The following ARHGAP12 variants were observed in gnomAD, a reference collection of about 807,000 sequenced individuals.
ARHGAP12 encodes rho GTPase-activating protein 12.
ARHGAP12 carries 64 observed loss-of-function variants against 108.6 expected under a neutral mutation model. The observed-to-expected ratio is 0.59, with a 90% CI of 0.48 to 0.73. ARHGAP12 has a LOEUF of 0.73. Ranked by LOEUF, ARHGAP12 falls within the 30% of genes least tolerant of loss-of-function variation. ARHGAP12 has a pLI of 0.00. For synonymous variants in ARHGAP12, 312 were observed against 337.2 expected, an observed-to-expected ratio of 0.93 and a Z score of 0.82; for missense variants, 940 against 1,005.9, an observed-to-expected ratio of 0.93 and a Z score of 0.89.
At chr10:31,850,519 T>C (rs1463083390) in intron 6 of ARHGAP12, among the ~76,000 whole-genome samples, 1 of 152,202 alleles carries the variant, frequency 6.6e-6, no homozygotes, top group African/African-American at 2.4e-5. Context: ...CTAAATTTTT[T>C]TTATAAACGG....
chr10:31,844,289 C>T (rs956827721), intron 6 of ARHGAP12, among the ~76,000 whole-genome samples: 4 of 152,170 alleles, frequency 2.6e-5, no homozygotes, highest in East Asian at 1.9e-4. Flanking sequence ...CTTTCCTACT[C>T]TGCAGACAAA....
Position 31,851,211 on chromosome 10 carries a change from C to T in ARHGAP12, c.1170+1306G>A, listed in dbSNP as rs190861294. On this transcript the variant is annotated intron_variant, in intron 6 of 19. Coordinates refer to ENST00000344936, the MANE Select transcript of ARHGAP12 (RefSeq NM_018287.7). ...ATAAATGTAAATTTTAATATGACTC[C>T]GTAATTAATTTAAACAATAAAGTGG... Among the ~76,000 whole-genome samples, 530 of 151,986 alleles carry T rather than the reference C, an allele frequency of 3.5e-3. 5 individuals are homozygous for T. Among genetic ancestry groups the T allele is most frequent in the Middle Eastern group, 0.014 (4 of 294 alleles).
chr10:31,917,815 C>G (rs1839624797), intron 1 of ARHGAP12, among the ~76,000 whole-genome samples: 1 of 152,136 alleles, frequency 6.6e-6, no homozygotes, highest in Non-Finnish European at 1.5e-5. Flanking sequence ...TTCAAATAAA[C>G]ATTGGGATAT....
chr10:31,927,020 G>A (rs917937200), intron 1 of ARHGAP12, among the ~76,000 whole-genome samples: 40 of 152,136 alleles, frequency 2.6e-4, no homozygotes, highest in African/African-American at 9.2e-4. Context: ...AAATATTGGC[G>A]CATAAATATA....
chr10:31,906,012 GA>G (rs1839120537), intron 3 of ARHGAP12, among the ~76,000 whole-genome samples: 1 of 151,990 alleles, frequency 6.6e-6, no homozygotes, highest in Admixed American at 6.6e-5. Flanking sequence ...CAATCAATAG[GA>G]TATGACAGTG....
intron 1 of ARHGAP12, among the ~76,000 whole-genome samples, chr10:31,915,596 T>C (rs1298509652): frequency 2.6e-5 from 4 of 152,188 alleles, no homozygotes; most frequent in Non-Finnish European, 5.9e-5. Flanking sequence ...ATGTGTGCTC[T>C]CACCACTAAA....
At chr10:31,810,596 C>A in intron 16 of ARHGAP12, 53 bp downstream of exon 16, 1 of 1,276,210 alleles carries the variant, frequency 7.8e-7, no homozygotes, top group Non-Finnish European at 1.1e-6. Context: ...GATGGCAAAA[C>A]AAGAAGCTGG....
intron 3 of ARHGAP12, among the ~76,000 whole-genome samples, chr10:31,869,082 T>G (rs942991860): frequency 6.6e-6 from 1 of 152,222 alleles, no homozygotes; most frequent in African/African-American, 2.4e-5. Context: ...ATACCACCAT[T>G]TGCTGTTACT....
At chr10:31,899,394 C>T (rs1228471396) in intron 3 of ARHGAP12, among the ~76,000 whole-genome samples, 1 of 152,134 alleles carries the variant, frequency 6.6e-6, no homozygotes, top group Non-Finnish European at 1.5e-5. Context: ...GAAATTTAAA[C>T]CTTACATGGA....
intron 3 of ARHGAP12, among the ~76,000 whole-genome samples, chr10:31,906,785 G>A (rs192209551): frequency 3.3e-5 from 5 of 152,264 alleles, no homozygotes; most frequent in Admixed American, 1.3e-4. Flanking sequence ...GATTGCGTGC[G>A]TACATAAATA....
At chr10:31,853,992 C>G (rs1032767700) in intron 5 of ARHGAP12, 74 bp downstream of exon 5, 2 of 1,419,358 alleles carry the variant, frequency 1.4e-6, no homozygotes, top group Non-Finnish European at 9.5e-7. Flanking sequence ...TTTTTAAATA[C>G]TAAAACTGCA....
chr10:31,814,380 C>G lies in ARHGAP12; in HGVS notation c.1732-19G>C. On this transcript the variant is annotated intron_variant, in intron 13 of 19. Coordinates refer to ENST00000344936, the MANE Select transcript of ARHGAP12 (RefSeq NM_018287.7). ...CTACTGCCTATTGGTTAGATATTTC[C>G]CAAACACATATTACACTTCTAGTAT... 1 of 1,553,700 alleles carries G rather than the reference C, an allele frequency of 6.4e-7. No individual in the cohort carries two copies. Among genetic ancestry groups the G allele is most frequent in the South Asian group, 1.1e-5 (1 of 89,548 alleles).
chr10:31,835,687 G>A (rs764083885), intron 9 of ARHGAP12, among the ~76,000 whole-genome samples: 7 of 152,122 alleles, frequency 4.6e-5, no homozygotes, highest in Non-Finnish European at 1.0e-4. Context: ...CTTATCTTCA[G>A]TTAATTGTGT....
intron 13 of ARHGAP12, 61 bp downstream of exon 13, chr10:31,817,727 A>AT (rs1835258736): frequency 2.7e-6 from 3 of 1,122,850 alleles, no homozygotes; most frequent in Non-Finnish European, 1.3e-6. Context: ...CCAATAAGCA[A>AT]TTAAAAAAAA....
At chr10:31,858,746 C>A (rs572022819) in intron 4 of ARHGAP12, among the ~76,000 whole-genome samples, 174 of 152,236 alleles carry the variant, frequency 1.1e-3, no homozygotes, top group African/African-American at 4.0e-3. Context: ...AACAGTTGCT[C>A]CCTCTCAAAC....
intron 1 of ARHGAP12, among the ~76,000 whole-genome samples, chr10:31,927,567 A>G (rs1840101948): frequency 6.6e-6 from 1 of 152,162 alleles, no homozygotes. Context: ...TCTCAATGTC[A>G]TGATTAACCC....
chr10:31,918,254 T>A (rs1839642267), intron 1 of ARHGAP12, among the ~76,000 whole-genome samples: 1 of 151,962 alleles, frequency 6.6e-6, no homozygotes, highest in Non-Finnish European at 1.5e-5. Context: ...AAGGAGCATC[T>A]GTATATAAGC....
intron 3 of ARHGAP12, among the ~76,000 whole-genome samples, chr10:31,904,390 A>G (rs535169345): frequency 6.6e-6 from 1 of 152,344 alleles, no homozygotes; most frequent in South Asian, 2.1e-4. Context: ...AAATTCTTCA[A>G]ATGACAAAAG....
intron 7 of ARHGAP12, among the ~76,000 whole-genome samples, chr10:31,841,238 G>A (rs1836252464): frequency 6.6e-6 from 1 of 151,576 alleles, no homozygotes; most frequent in African/African-American, 2.4e-5. Flanking sequence ...AGTAAAAACA[G>A]AAAAAAAAGG....
Sources: gnomAD v4.1 joint callset for allele counts (sites outside exome capture counted in the v4.1 genomes callset) on GRCh38, gnomAD v4.1.1 for gene constraint, MANE v1.5 for transcripts, NCBI Gene and HGNC (gene_info 2026-07-23, HGNC 2026-07-21) for gene names.